ANXA4: variants seen among roughly 807,000 people sequenced by gnomAD.
ANXA4 encodes the protein 35-beta calcimedin.
ANXA4 carries 39 observed loss-of-function variants against 49.8 expected under a neutral mutation model. The observed-to-expected ratio is 0.78, with a 90% confidence interval of 0.61 to 1.02. The LOEUF (loss-of-function observed/expected upper bound fraction) is 1.02, where lower values mean the gene tolerates loss of function less well. Ranked by LOEUF, ANXA4 falls within the 50% of genes least tolerant of loss-of-function variation. The pLI is 0.00. For missense variants in ANXA4, 360 were observed against 410.1 expected, an observed-to-expected ratio of 0.88 and a Z score of 1.05; for synonymous variants, 134 against 152.5, an observed-to-expected ratio of 0.88 and a Z score of 0.89.
rs1218141010 is a variant in ANXA4, at chr2:69,759,951, G to C, written c.-47+17776G>C. Among the ~76,000 whole-genome samples, 3 of 152,202 alleles carry C rather than the reference G, an allele frequency of 2.0e-5. No homozygotes were observed. In the East Asian group the frequency reaches 5.8e-4, roughly 29 times the overall value. The stretch of plus-strand genomic sequence containing the variant: ...GGGTTCACGCCATTCTCCTGCCTCA[G>C]CCTCCCGAGTAGCTGGGACTACAGG... On this transcript the variant is annotated intron_variant, in intron 1 of 12. Coordinates refer to ENST00000394295, the MANE Select transcript of ANXA4 (RefSeq NM_001153.5).
chr2:69,711,970 A>T (rs547424538), intron 2 of ANXA4, among the ~76,000 whole-genome samples: 48 of 152,082 alleles, frequency 3.2e-4, no homozygotes, highest in Admixed American at 2.7e-3. Flanking sequence ...AATTGAGAAA[A>T]CAGTTTTTAT....
intron 1 of ANXA4, among the ~76,000 whole-genome samples, chr2:69,757,241 TATA>T (rs1559149979): frequency 5.1e-4 from 29 of 56,986 alleles, no homozygotes; most frequent in South Asian, 2.1e-3. Flanking sequence ...TTTTGTTTTA[TATA>T]TATATATATA....
intron 2 of ANXA4, among the ~76,000 whole-genome samples, chr2:69,655,598 A>C (rs1676407502): frequency 6.6e-6 from 1 of 152,190 alleles, no homozygotes; most frequent in Non-Finnish European, 1.5e-5. Context: ...AATTAGTTCT[A>C]CCATTGTGGA....
intron 3 of ANXA4, among the ~76,000 whole-genome samples, chr2:69,797,483 G>A (rs947071683): frequency 1.3e-5 from 2 of 152,180 alleles, no homozygotes; most frequent in East Asian, 1.9e-4. Context: ...TTGATAAATG[G>A]ATCTCCGGAG....
chr2:69,676,539 T>C (rs941616864), intron 2 of ANXA4, among the ~76,000 whole-genome samples: 17 of 152,352 alleles, frequency 1.1e-4, no homozygotes, highest in Admixed American at 1.0e-3. Context: ...TTAAAAATAG[T>C]GTTTCTGGTT....
intron 2 of ANXA4, among the ~76,000 whole-genome samples, chr2:69,662,825 A>G (rs551400075): frequency 3.3e-5 from 5 of 152,010 alleles, no homozygotes; most frequent in Non-Finnish European, 5.9e-5. Flanking sequence ...AATACAGGAC[A>G]CTTAGTTAAA....
In ANXA4 at chr2:69,656,227, A is replaced by ACG. The variant is rs1231150440; in HGVS notation, n.766+2945_766+2946insCG. Among the ~76,000 whole-genome samples, 6 of 134,068 alleles carry ACG rather than the reference A, an allele frequency of 4.5e-5. 2 individuals are homozygous for ACG. The East Asian group carries it at 1.4e-3, about 32-fold the overall frequency. The allele number at this position is 134,068 out of a possible 152,430, so 88.0% of individuals were successfully genotyped here. A position where few individuals can be genotyped will look rare whatever the true frequency, so the allele number is the denominator to read the frequency against. ...TATACACACACATATATATGTATAT[A>ACG]TGTATATATATACGTATATATATGT... is the stretch of plus-strand genomic sequence containing the variant. On this transcript the variant is annotated intron_variant and non_coding_transcript_variant, in intron 2 of 3. Coordinates refer to the ANXA4 transcript ENST00000418066.
chr2:69,745,870 A>G (rs1195288487), intron 1 of ANXA4, among the ~76,000 whole-genome samples: 1 of 152,128 alleles, frequency 6.6e-6, no homozygotes, highest in Non-Finnish European at 1.5e-5. Context: ...GAATATGTGC[A>G]TACTTCATAA....
At chr2:69,816,028 C>A in intron 8 of ANXA4, 73 bp from the exon 9 acceptor site, 1 of 1,229,792 alleles carries the variant, frequency 8.1e-7, no homozygotes, top group Non-Finnish European at 1.2e-6. Context: ...GCTCTTTGAG[C>A]TTCTGGAAAT....
chr2:69,726,046 GT>G (rs1160238103), intron 3 of ANXA4, among the ~76,000 whole-genome samples: 10 of 152,286 alleles, frequency 6.6e-5, no homozygotes, highest in African/African-American at 2.4e-4. Flanking sequence ...GCCTGATATG[GT>G]TTTGCTCTGG....
intron 5 of ANXA4, among the ~76,000 whole-genome samples, chr2:69,807,325 G>A (rs1032823815): frequency 1.3e-5 from 2 of 152,030 alleles, no homozygotes; most frequent in Non-Finnish European, 2.9e-5. Context: ...CTTACTTCTG[G>A]CAAAAGAGTT....
At chr2:69,721,754 G>C (rs1421548299) in intron 3 of ANXA4, among the ~76,000 whole-genome samples, 1 of 151,910 alleles carries the variant, frequency 6.6e-6, no homozygotes, top group Non-Finnish European at 1.5e-5. Flanking sequence ...TATTTGACTA[G>C]ACAATAAGGA....
Position 69,825,757 on chromosome 2 carries a change from A to T in ANXA4, c.*242A>T, listed in dbSNP as rs1040131689. The T allele has an allele frequency of 5.5e-6, 2 of 360,542 alleles. No homozygotes were observed. Among genetic ancestry groups the T allele is most frequent in the African/African-American group, 4.2e-5 (2 of 47,622 alleles). 22.3% of individuals were successfully genotyped at this position (360,542 alleles called of 1,614,324 possible). Reference sequence around the variant, plus strand: ...TAAATGGAGATTTTAAAGTAGAAATAAATATGTATTCCATGTTTTTAAAAG... The same window carrying T: ...TAAATGGAGATTTTAAAGTAGAAATTAATATGTATTCCATGTTTTTAAAAG... On this transcript the variant is annotated 3_prime_UTR_variant, in exon 13 of 13. Coordinates refer to ENST00000394295, the MANE Select transcript of ANXA4 (RefSeq NM_001153.5).
At chr2:69,798,916 T>A (rs1673064106) in intron 3 of ANXA4, among the ~76,000 whole-genome samples, 1 of 152,048 alleles carries the variant, frequency 6.6e-6, no homozygotes, top group African/African-American at 2.4e-5. Flanking sequence ...CACACACACA[T>A]CGAGTGAGTT....
intron 3 of ANXA4, among the ~76,000 whole-genome samples, chr2:69,799,992 A>T (rs1673120572): frequency 6.6e-6 from 1 of 152,194 alleles, no homozygotes; most frequent in Admixed American, 6.5e-5. Flanking sequence ...TCCTGACAGA[A>T]GCTTGTCTTA....
rs375004391 is a variant in ANXA4, at chr2:69,720,386, G to C, written n.767-388G>C. Among the ~76,000 whole-genome samples the C allele has an allele frequency of 1.5e-4, 23 of 152,318 alleles. No homozygotes were observed. In the South Asian group the frequency reaches 4.6e-3, roughly 30 times the overall value. On this transcript the variant is annotated intron_variant and non_coding_transcript_variant, in intron 2 of 3. Transcript: ENST00000418066. ...CATGTTCAAAGGCTCATAGGTGAAA[G>C]AGCACAGTGCATCCATGGAACTTCA...
At chr2:69,688,243 T>C (rs4852918) in intron 2 of ANXA4, among the ~76,000 whole-genome samples, 75,518 of 152,094 alleles carry the variant, frequency 0.5, 19,555 homozygotes, top group East Asian at 0.77. Flanking sequence ...TTAACAAGTT[T>C]CTCTTTCCCC....
intron 3 of ANXA4, among the ~76,000 whole-genome samples, chr2:69,725,876 T>C (rs1482208822): frequency 6.6e-6 from 1 of 152,252 alleles, no homozygotes; most frequent in East Asian, 1.9e-4. Flanking sequence ...TTCACATATA[T>C]AAATGCACAA....
chr2:69,659,798 G>A (rs1676642295), intron 2 of ANXA4, among the ~76,000 whole-genome samples: 1 of 152,164 alleles, frequency 6.6e-6, no homozygotes, highest in Non-Finnish European at 1.5e-5. Context: ...GTTTGCAGGT[G>A]ACAGAAAGGA....
Sources: gnomAD v4.1 joint callset for allele counts (sites outside exome capture counted in the v4.1 genomes callset) on GRCh38, gnomAD v4.1.1 for gene constraint, MANE v1.5 for transcripts, NCBI Gene and HGNC (gene_info 2026-07-23, HGNC 2026-07-21) for gene names.